POTEE: variants seen among roughly 807,000 people sequenced by gnomAD.
The protein encoded by POTEE is POTE ankyrin domain family member E.
In POTEE, 21 loss-of-function variants were observed where a neutral mutation model predicts 74.2. The observed-to-expected ratio is 0.28, with a 90% CI of 0.20 to 0.41. The LOEUF (loss-of-function observed/expected upper bound fraction) is 0.41, where lower values mean the gene tolerates loss of function less well. Ranked by LOEUF, POTEE falls within the 10% of genes least tolerant of loss-of-function variation. The pLI, the probability that POTEE is intolerant of heterozygous loss-of-function variation, is 1.00. For missense variants in POTEE, 525 were observed against 1,158.6 expected (o/e 0.45, Z 7.94); for synonymous variants, 211 against 432.8 (o/e 0.49, Z 6.36).
intron 9 of POTEE, among the ~76,000 whole-genome samples, chr2:131,235,719 G>A (rs1326189423): frequency 1.4e-5 from 2 of 144,542 alleles, no homozygotes; most frequent in Non-Finnish European, 3.0e-5. Context: ...TTGAACCAGG[G>A]AGTGTCAGAG....
chr2:131,221,168 A>C (rs1487352069), intron 4 of POTEE, among the ~76,000 whole-genome samples: 1 of 152,134 alleles, frequency 6.6e-6, no homozygotes, highest in African/African-American at 2.4e-5. Flanking sequence ...ATCTTTACCA[A>C]ATAGATGTCT....
At chr2:131,256,784 A>C (rs1186954502) in intron 16 of POTEE, among the ~76,000 whole-genome samples, 45 of 145,058 alleles carry the variant, frequency 3.1e-4, no homozygotes, top group African/African-American at 1.1e-3. Flanking sequence ...ACGATTCCTA[A>C]TCCAGAGAAA....
At position 131,263,657 on chromosome 2, in the gene POTEE, C is replaced by T. The variant is rs199978344; in HGVS notation, c.2202C>T (p.Ile734=). The T allele has an allele frequency of 9.9e-3, 15,690 of 1,588,044 alleles. 62 individuals carry two copies. The highest frequency in any genetic ancestry group is 0.011 in the Non-Finnish European group (12,641 of 1,166,702). ...CCCCCCGGGCTGTCTTCCCTTCCATCGTGGGGCGCCCCAGGCAGCAGGGCA... is the reference window on the plus strand; with the variant it reads ...CCCCCCGGGCTGTCTTCCCTTCCATTGTGGGGCGCCCCAGGCAGCAGGGCA... ...DDAPRAVFPS[I]VGRPRQQGMM... The change falls in exon 18 of 18, where the codon ATC becomes ATT. Residue 734 remains isoleucine (I), a synonymous_variant. Coordinates refer to ENST00000683005, the MANE Select transcript of POTEE (RefSeq NM_001083538.3).
chr2:131,224,296 ATACT>A (rs941527355), intron 6 of POTEE, among the ~76,000 whole-genome samples: 8 of 150,354 alleles, frequency 5.3e-5, no homozygotes, highest in South Asian at 2.1e-4. Flanking sequence ...GTAAAAGATA[ATACT>A]TACTATTTTT....
chr2:131,221,721 A>G (rs1700623877), intron 4 of POTEE, among the ~76,000 whole-genome samples: 2 of 152,168 alleles, frequency 1.3e-5, no homozygotes, highest in African/African-American at 2.4e-5. Flanking sequence ...TTATCTTTTC[A>G]TTAGATATAG....
chr2:131,222,617 G>A (rs1466021732), intron 4 of POTEE, among the ~76,000 whole-genome samples: 1 of 152,094 alleles, frequency 6.6e-6, no homozygotes, highest in African/African-American at 2.4e-5. Flanking sequence ...GTTTTAAAAG[G>A]AGAAAATTTA....
intron 9 of POTEE, among the ~76,000 whole-genome samples, chr2:131,233,184 A>C (rs1701016939): frequency 6.6e-6 from 1 of 152,128 alleles, no homozygotes; most frequent in Non-Finnish European, 1.5e-5. Context: ...GTATTAAGGC[A>C]TTCTGGTTAT....
intron 9 of POTEE, among the ~76,000 whole-genome samples, chr2:131,231,724 T>A (rs1208806177): frequency 9.2e-5 from 14 of 152,032 alleles, no homozygotes; most frequent in Non-Finnish European, 1.5e-5. Context: ...GCCAAAAGAT[T>A]GTCATAATAA....
intron 10 of POTEE, among the ~76,000 whole-genome samples, chr2:131,237,385 C>T (rs542372889): frequency 0.037 from 5,591 of 151,608 alleles, 98 homozygotes; most frequent in African/African-American, 0.13. Context: ...TTGACCTCAG[C>T]GTTTCTGTTC....
intron 8 of POTEE, 24 bp from the exon 9 acceptor site, chr2:131,230,812 G>C (rs1335199758): frequency 1.6e-5 from 25 of 1,549,038 alleles, no homozygotes; most frequent in Non-Finnish European, 2.0e-5. Flanking sequence ...ATAGTAATTT[G>C]GTTTATTACA....
intron 2 of POTEE, among the ~76,000 whole-genome samples, chr2:131,216,044 C>A (rs532322632): frequency 6.6e-6 from 1 of 152,186 alleles, no homozygotes; most frequent in Non-Finnish European, 1.5e-5. Context: ...ACACCAATGA[C>A]AAACTGTTAT....
At chr2:131,254,920 G>A (rs1172425394) in intron 16 of POTEE, among the ~76,000 whole-genome samples, 2 of 152,240 alleles carry the variant, frequency 1.3e-5, no homozygotes, top group African/African-American at 4.8e-5. Context: ...GAGAGTTTTA[G>A]TATTTCTTGG....
chr2:131,223,016 T>C (rs1700671002), intron 4 of POTEE, among the ~76,000 whole-genome samples: 2 of 151,776 alleles, frequency 1.3e-5, no homozygotes, highest in Admixed American at 6.6e-5. Flanking sequence ...GTAAGTGGTA[T>C]TTCAGTGGAG....
chr2:131,226,840 G>C lies in POTEE; in HGVS notation c.828G>C (p.Leu276=). The change falls in exon 7 of 18, where the codon CTG becomes CTC. Residue 276 remains leucine (L), a synonymous_variant. Coordinates refer to ENST00000683005, the MANE Select transcript of POTEE (RefSeq NM_001083538.3). ...ESKNKHGLTP[L]LLGVHEQKQQ... ...TTTTACAGCATGGCCTCACACCACT[G>C]TTACTTGGTGTACATGAGCAAAAAC... The C allele has an allele frequency of 6.2e-7, 1 of 1,611,756 alleles. No homozygotes were observed. Among genetic ancestry groups the C allele is most frequent in the Non-Finnish European group, 8.5e-7 (1 of 1,179,662 alleles).
At chr2:131,243,220 T>A (rs1701281308) in intron 12 of POTEE, among the ~76,000 whole-genome samples, 2 of 152,316 alleles carry the variant, frequency 1.3e-5, no homozygotes, top group Admixed American at 6.5e-5. Context: ...TAACCTTATG[T>A]CATCGTTTCT....
At chr2:131,237,683 G>A (rs1434646744) in intron 10 of POTEE, among the ~76,000 whole-genome samples, 1 of 152,036 alleles carries the variant, frequency 6.6e-6, no homozygotes, top group East Asian at 1.9e-4. Context: ...GTTTGGTGTT[G>A]ATTTCGGCTC....
chr2:131,251,093 G>A (rs1471774063), intron 14 of POTEE, among the ~76,000 whole-genome samples: 6 of 674 alleles, frequency 8.9e-3, no homozygotes, highest in African/African-American at 0.011. Flanking sequence ...GTGAAACCCC[G>A]TCTCTAGTAA....
chr2:131,237,238 C>A (rs1422865706), intron 10 of POTEE, among the ~76,000 whole-genome samples: 1 of 149,952 alleles, frequency 6.7e-6, no homozygotes, highest in African/African-American at 2.4e-5. Context: ...GAATTATGAA[C>A]AATGTAACTC....
intron 12 of POTEE, among the ~76,000 whole-genome samples, chr2:131,242,998 T>TAAG (rs1372243212): frequency 8.7e-6 from 1 of 115,088 alleles, no homozygotes; most frequent in Non-Finnish European, 1.8e-5. Context: ...ACCGCCTTTC[T>TAAG]AAGAAGAAGA....
Sources: gnomAD v4.1 joint callset for allele counts (sites outside exome capture counted in the v4.1 genomes callset) on GRCh38, gnomAD v4.1.1 for gene constraint, MANE v1.5 for transcripts, NCBI Gene and HGNC (gene_info 2026-07-23, HGNC 2026-07-21) for gene names.